Variants in ZFR2 observed in about 807,000 individuals in gnomAD.
ZFR2 encodes zinc finger RNA binding protein 2.
A neutral mutation model predicts 105.7 loss-of-function variants in ZFR2; 104 were observed. The observed-to-expected ratio is 0.98, with a 90% CI of 0.84 to 1.16. The LOEUF (loss-of-function observed/expected upper bound fraction) is 1.16, where lower values mean the gene tolerates loss of function less well. Ranked by LOEUF, ZFR2 falls within the 50% of genes most tolerant of loss-of-function variation. The probability of loss-of-function intolerance (pLI) is 0.00; values close to 1 mark genes in which losing one functional copy is unlikely to be tolerated. For missense variants in ZFR2, 1,425 were observed against 1,355.5 expected (o/e 1.05, Z -0.80); for synonymous variants, 634 against 597.7 (o/e 1.06, Z -0.89).
chr19:3,834,903 A>G lies in ZFR2; in HGVS notation c.134T>C (p.Val45Ala), dbSNP rs775833862. The G allele has an allele frequency of 4.3e-6, 7 of 1,611,870 alleles. No individual in the cohort carries two copies. The South Asian group carries it at 7.7e-5, about 18-fold the overall frequency. Residue 45 changes from valine to alanine, a missense_variant, in exon 2 of 19, where the codon GTG becomes GCG. By Grantham distance (64) the Val-to-Ala change is moderately conservative. Transcript: ENST00000262961. The surrounding 1 kb of genome is among the most constrained non-coding windows in gnomAD (Gnocchi z 5.3). ...AQPTPGMDPA[V>A]NPAFPPAAPA... is the part of the protein sequence containing the mutation. ...GGCAGCTGGGGGAAAGGCCGGGTTC[A>G]CGGCAGGGTCCATCCCAGGAGTGGG...
At chr19:3,866,711 C>G (rs1481149275) in intron 1 of ZFR2, among the ~76,000 whole-genome samples, 1 of 152,162 alleles carries the variant, frequency 6.6e-6, no homozygotes, top group Non-Finnish European at 1.5e-5. Flanking sequence ...GAAGAGCTAG[C>G]AGGCAGAGGG....
chr19:3,813,839 C>T lies in ZFR2; in HGVS notation c.2223G>A (p.Glu741=). The part of the protein sequence containing the change: ...TISVTSPLMR[E]DPSTDPGVEE... ...CCGCACCTGGGTCTGTGGAGGGGTC[C>T]TCCCGCATCAGAGGTGAGGTGACAG... Residue 741 remains glutamate, a synonymous_variant, in exon 14 of 19, where the codon GAG becomes GAA. Coordinates refer to ENST00000262961, the MANE Select transcript of ZFR2 (RefSeq NM_015174.2). The surrounding 1 kb of genome is among the most constrained non-coding windows in gnomAD (Gnocchi z 4.4). The T allele has an allele frequency of 6.2e-7, 1 of 1,613,800 alleles. No homozygotes were observed. The highest frequency in any genetic ancestry group is 8.5e-7 in the Non-Finnish European group (1 of 1,179,860).
chr19:3,820,429 T>G, intron 10 of ZFR2, 139 bp from the exon 11 acceptor site: 2 of 805,506 alleles, frequency 2.5e-6, no homozygotes, highest in Non-Finnish European at 3.8e-6. Flanking sequence ...CTGCACTGCA[T>G]GGGTGCCTGC....
At chr19:3,826,584 C>A (rs2037952851) in intron 6 of ZFR2, among the ~76,000 whole-genome samples, 1 of 152,002 alleles carries the variant, frequency 6.6e-6, no homozygotes, top group Non-Finnish European at 1.5e-5. Context: ...TACAGGCACG[C>A]ACCCACCACG....
chr19:3,855,897 C>T (rs930690903), intron 1 of ZFR2, among the ~76,000 whole-genome samples: 1 of 152,112 alleles, frequency 6.6e-6, no homozygotes, highest in Admixed American at 6.6e-5. Context: ...GCAGAGGACA[C>T]CATGATGGAT....
At chr19:3,840,615 G>A (rs868400986) in intron 1 of ZFR2, among the ~76,000 whole-genome samples, 4 of 152,018 alleles carry the variant, frequency 2.6e-5, no homozygotes, top group Non-Finnish European at 2.9e-5. Flanking sequence ...CTGTAGCCTC[G>A]AAACTCCCAG....
chr19:3,841,327 G>C (rs1333647554), intron 1 of ZFR2, among the ~76,000 whole-genome samples: 1 of 152,232 alleles, frequency 6.6e-6, no homozygotes, highest in South Asian at 2.1e-4. Flanking sequence ...CTGTGGGTCT[G>C]ATTTGTGGTC....
intron 1 of ZFR2, among the ~76,000 whole-genome samples, chr19:3,864,812 A>C (rs2038412013): frequency 6.6e-6 from 1 of 151,940 alleles, no homozygotes; most frequent in Admixed American, 6.6e-5. Flanking sequence ...CAGTGGTGCC[A>C]TCTCAGCTCA....
chr19:3,847,698 C>T (rs1002165241), intron 1 of ZFR2, among the ~76,000 whole-genome samples: 1 of 152,170 alleles, frequency 6.6e-6, no homozygotes, highest in Non-Finnish European at 1.5e-5. Context: ...AATTTGCAGA[C>T]GTATTTCTAG....
chr19:3,849,540 G>A (rs938296464), intron 1 of ZFR2, among the ~76,000 whole-genome samples: 1 of 152,322 alleles, frequency 6.6e-6, no homozygotes, highest in Non-Finnish European at 1.5e-5. Context: ...CCCCCAAATC[G>A]TGACAATGAC....
At position 3,813,824 on chromosome 19, in the gene ZFR2, G is replaced by A; in HGVS notation, c.2238C>T (p.Asp746=). ...GAAGGAAGGGCTGGGCCGCACCTGGGTCTGTGGAGGGGTCCTCCCGCATCA... is the reference window on the plus strand; with the variant it reads ...GAAGGAAGGGCTGGGCCGCACCTGGATCTGTGGAGGGGTCCTCCCGCATCA... The part of the protein sequence containing the change: ...SPLMREDPST[D]PGVEEPQADA... Residue 746 remains aspartate, a synonymous_variant, in exon 14 of 19, where the codon GAC becomes GAT. Coordinates refer to ENST00000262961, the MANE Select transcript of ZFR2 (RefSeq NM_015174.2). This position sits in a 1 kb window ranked among gnomAD's most constrained non-coding sequence, Gnocchi z 4.4. 2 of 1,613,780 alleles carry A rather than the reference G, an allele frequency of 1.2e-6. No individual in the cohort carries two copies. The highest frequency in any genetic ancestry group is 1.1e-5 in the South Asian group (1 of 91,078).
intron 1 of ZFR2, chr19:3,857,092 T>C (rs2038312674): frequency 7.3e-6 from 1 of 136,854 alleles, no homozygotes; most frequent in African/African-American, 2.8e-5. Flanking sequence ...TTTTTTTTTT[T>C]TTTTTTTTTT....
rs527551824 is a variant in ZFR2 at position 3,816,828 on chromosome 19, G to C, written c.1949C>G (p.Thr650Ser). The C allele has an allele frequency of 6.4e-7, 1 of 1,568,588 alleles. No individual in the cohort carries two copies. Among genetic ancestry groups the C allele is most frequent in the East Asian group, 2.4e-5 (1 of 42,206 alleles). The change falls in exon 13 of 19, where the codon ACT becomes AGT. Residue 650 changes from threonine (T) to serine (S), a missense_variant. Coordinates refer to ENST00000262961, the MANE Select transcript of ZFR2 (RefSeq NM_015174.2). ...TCGCATGACGCCTTTCAGGACCCGA[G>C]TCTGGGGGGCAACGCTGCTGTGGGG... ...GDKRSSVAPQ[T>S]RVLKGVMRVG... is the part of the protein sequence containing the mutation.
chr19:3,820,152 G>A lies in ZFR2; in HGVS notation c.1740+30C>T, dbSNP rs376924379. The A allele has an allele frequency of 1.7e-5, 26 of 1,547,616 alleles. No homozygotes were observed. The Admixed American group carries it at 3.3e-4, about 20-fold the overall frequency. ...TGCTCCGGGGAGTGTGAGGTCGCCC[G>A]CGTTTGCACACAGAGGAAACTGTAC... On this transcript the variant is annotated intron_variant, in intron 11 of 18. Coordinates refer to ENST00000262961, the MANE Select transcript of ZFR2 (RefSeq NM_015174.2).
intron 1 of ZFR2, chr19:3,855,433 C>A: frequency 8.1e-7 from 1 of 1,231,684 alleles, no homozygotes; most frequent in Non-Finnish European, 1.0e-6. Flanking sequence ...CCCGGGCGAT[C>A]CGGCGGCAGA....
intron 1 of ZFR2, chr19:3,852,599 G>A (rs1464053890): frequency 1.4e-6 from 1 of 718,404 alleles, no homozygotes; most frequent in African/African-American, 1.7e-5. Context: ...CCGGGGGAGT[G>A]GTCTCCACTT....
intron 1 of ZFR2, among the ~76,000 whole-genome samples, chr19:3,859,296 G>A (rs892795657): frequency 6.6e-6 from 1 of 152,164 alleles, no homozygotes; most frequent in Non-Finnish European, 1.5e-5. Context: ...GGGGCTCTCG[G>A]GCCTTTGGCC....
rs930582739 is a variant in ZFR2 at position 3,809,391 on chromosome 19, G to A, written c.2434-408C>T. Among the ~76,000 whole-genome samples, 5 of 152,106 alleles carry A rather than the reference G, an allele frequency of 3.3e-5. No individual in the cohort carries two copies. The East Asian group carries it at 5.8e-4, about 18-fold the overall frequency. On this transcript the variant is annotated intron_variant, in intron 16 of 18. Transcript: ENST00000262961. ...CAGTGTCAGGTGCACTGTCCACCACGTGGGGCCCGCCTCAGCTGAGGGGAA... is the reference window on the plus strand; with the variant it reads ...CAGTGTCAGGTGCACTGTCCACCACATGGGGCCCGCCTCAGCTGAGGGGAA...
intron 18 of ZFR2, among the ~76,000 whole-genome samples, 165 bp from the exon 19 acceptor site, chr19:3,806,290 T>G (rs1031287336): frequency 1.3e-5 from 2 of 152,102 alleles, no homozygotes; most frequent in Non-Finnish European, 2.9e-5. Flanking sequence ...TGAGACACAG[T>G]CTCGCTCTGT....
Sources: gnomAD v4.1 joint callset for allele counts (sites outside exome capture counted in the v4.1 genomes callset) on GRCh38, gnomAD v4.1.1 for gene constraint, Gnocchi (gnomAD v3.1) non-coding constraint, MANE v1.5 for transcripts, NCBI Gene and HGNC (gene_info 2026-07-23, HGNC 2026-07-21) for gene names.